The following DDX24 variants were observed in gnomAD, a reference collection of about 807,000 sequenced individuals.
DDX24 encodes the protein DEAD-box helicase 24, also known as ATP-dependent RNA helicase DDX24.
Under a neutral mutation model 68.9 loss-of-function variants are expected in DDX24, and 24 were observed. The ratio of observed to expected loss-of-function variants is 0.35; its 90% CI spans 0.25 to 0.49. The LOEUF is 0.49. Among genes scored for constraint, DDX24 ranks in the 20% least tolerant of loss-of-function variants. The pLI is 0.99. For missense variants in DDX24, 989 were observed against 1,039.0 expected (o/e 0.95, Z 0.66); for synonymous variants, 395 against 385.2 (o/e 1.03, Z -0.30).
chr14:94,048,366 G>C lies in DDX24; in HGVS notation c.*2825C>G, dbSNP rs1885320452. 1 of 152,242 alleles carries C rather than the reference G, an allele frequency of 6.6e-6. No individual in the cohort carries two copies. The highest frequency in any genetic ancestry group is 1.5e-5 in the Non-Finnish European group (1 of 68,052). The allele number at this position is 152,242 out of a possible 1,614,324, so 9.4% of individuals were successfully genotyped here. A position where few individuals can be genotyped will look rare whatever the true frequency, so the allele number is the denominator to read the frequency against. ...AAATCAATGGGAACAATTAGCAACA[G>C]AAAGAGCACAGTCCCTGCTTTTGAC... On this transcript the variant is annotated 3_prime_UTR_variant, in exon 9 of 9. Coordinates refer to ENST00000621632, the MANE Select transcript of DDX24 (RefSeq NM_020414.4).
chr14:94,054,403 G>C (rs1417222575), intron 7 of DDX24, among the ~76,000 whole-genome samples: 2 of 152,082 alleles, frequency 1.3e-5, no homozygotes, highest in Non-Finnish European at 2.9e-5. Context: ...CCACATCTTT[G>C]CCAGCAGGAA....
At chr14:94,080,563 G>A (rs549074129) in intron 1 of DDX24, among the ~76,000 whole-genome samples, 1 of 152,218 alleles carries the variant, frequency 6.6e-6, no homozygotes, top group Admixed American at 6.5e-5. Flanking sequence ...GGAAAAACGA[G>A]GACATCTGTC....
In DDX24 at chr14:94,053,129, TG is replaced by T; in HGVS notation, c.2179-3del. ...CTGTCGAGCTAAACGGATTCGCTCC[TG>T]GGGGGAAGTAACAGAAAATATTCAT... On this transcript the variant is annotated splice_polypyrimidine_tract_variant and splice_region_variant and intron_variant, in intron 7 of 8. Coordinates refer to ENST00000621632, the MANE Select transcript of DDX24 (RefSeq NM_020414.4). 1 of 1,614,042 alleles carries T rather than the reference TG, an allele frequency of 6.2e-7. No individual in the cohort carries two copies. Among genetic ancestry groups the T allele is most frequent in the Non-Finnish European group, 8.5e-7 (1 of 1,180,000 alleles).
chr14:94,053,020 C>T lies in DDX24; in HGVS notation c.2286G>A (p.Glu762=). Residue 762 remains glutamate, a synonymous_variant, in exon 8 of 9, where the codon GAG becomes GAA. Transcript: ENST00000621632. Reference sequence around the variant, plus strand: ...TACCCTTATACATGTCTTCTTCCAGCTCAATCTCCAGGGCAGCTGCTGCCT... The same window carrying T: ...TACCCTTATACATGTCTTCTTCCAGTTCAATCTCCAGGGCAGCTGCTGCCT... The part of the protein sequence containing the change: ...IEQAAAALEI[E]LEEDMYKGGK... 1.2e-6 allele frequency: 2 copies of T among 1,614,000 alleles called. No individual in the cohort carries two copies. Among genetic ancestry groups the T allele is most frequent in the Non-Finnish European group, 1.7e-6 (2 of 1,179,920 alleles).
intron 5 of DDX24, among the ~76,000 whole-genome samples, chr14:94,059,749 C>G (rs1459850709): frequency 6.6e-6 from 1 of 152,132 alleles, no homozygotes; most frequent in Non-Finnish European, 1.5e-5. Context: ...GTGCTCTTAA[C>G]CATGAATCTA....
chr14:94,055,214 C>T (rs1288648873), intron 6 of DDX24, 30 bp from the exon 7 acceptor site: 4 of 1,601,008 alleles, frequency 2.5e-6, no homozygotes, highest in Non-Finnish European at 3.4e-6. Context: ...GAGATCAATA[C>T]ATGGCCACTG....
At chr14:94,068,361 A>C (rs1421761496) in intron 2 of DDX24, among the ~76,000 whole-genome samples, 2 of 152,246 alleles carry the variant, frequency 1.3e-5, no homozygotes, top group Admixed American at 6.5e-5. Context: ...CCAATTTACG[A>C]AACAATTACT....
Position 94,052,990 on chromosome 14 carries a change from G to A in DDX24, c.2308+8C>T, listed in dbSNP as rs1435030761. The A allele has an allele frequency of 1.9e-6, 3 of 1,601,294 alleles. No individual in the cohort carries two copies. The highest frequency in any genetic ancestry group is 2.6e-6 in the Non-Finnish European group (3 of 1,172,548). ...CTTCCTCAATTCCCATCCCGCCCAA[G>A]GGCTTACCCTTATACATGTCTTCTT... On this transcript the variant is annotated splice_region_variant and intron_variant, in intron 8 of 8. Coordinates refer to ENST00000621632, the MANE Select transcript of DDX24 (RefSeq NM_020414.4).
chr14:94,057,704 G>T, intron 6 of DDX24, 118 bp downstream of exon 6: 1 of 905,718 alleles, frequency 1.1e-6, no homozygotes, highest in South Asian at 1.7e-5. Flanking sequence ...CGATGCCAGT[G>T]GTATTCTCTG....
intron 5 of DDX24, among the ~76,000 whole-genome samples, chr14:94,058,257 C>T (rs985193993): frequency 8.5e-5 from 13 of 152,184 alleles, no homozygotes; most frequent in African/African-American, 3.1e-4. Flanking sequence ...ACACAGACTT[C>T]CTTGCTCTTC....
intron 4 of DDX24, 121 bp downstream of exon 4, chr14:94,060,792 G>A (rs1885581042): frequency 6.7e-7 from 1 of 1,489,230 alleles, no homozygotes; most frequent in Non-Finnish European, 9.0e-7. Flanking sequence ...TAAAGGCCAG[G>A]GTCTGGATGA....
intron 2 of DDX24, among the ~76,000 whole-genome samples, chr14:94,077,956 T>G (rs1885978593): frequency 6.6e-6 from 1 of 152,146 alleles, no homozygotes; most frequent in Admixed American, 6.5e-5. Flanking sequence ...ATTACTTATG[T>G]GTTTCACATT....
At chr14:94,078,688 G>A (rs1885995309) in intron 2 of DDX24, among the ~76,000 whole-genome samples, 1 of 152,180 alleles carries the variant, frequency 6.6e-6, no homozygotes, top group African/African-American at 2.4e-5. Context: ...CTCAAGAACA[G>A]CAGAAACTAC....
chr14:94,075,619 C>T (rs530396221), intron 2 of DDX24, among the ~76,000 whole-genome samples: 13 of 152,300 alleles, frequency 8.5e-5, no homozygotes, highest in East Asian at 3.9e-4. Context: ...AAAACACCAA[C>T]GGCACCAAAA....
chr14:94,062,005 C>T (rs1181130910), intron 3 of DDX24, 92 bp downstream of exon 3: 1 of 1,376,102 alleles, frequency 7.3e-7, no homozygotes, highest in South Asian at 1.5e-5. Flanking sequence ...AGTGGCTTAC[C>T]CTAGAGGGCA....
chr14:94,076,244 C>CA (rs1885936547), intron 2 of DDX24, among the ~76,000 whole-genome samples: 1 of 152,220 alleles, frequency 6.6e-6, no homozygotes, highest in East Asian at 1.9e-4. Context: ...TCTACCCACA[C>CA]ATTGGAATAC....
intron 2 of DDX24, among the ~76,000 whole-genome samples, chr14:94,068,888 C>A (rs750794740): frequency 1.4e-4 from 22 of 152,086 alleles, no homozygotes; most frequent in Non-Finnish European, 2.5e-4. Flanking sequence ...GTTCATAGCC[C>A]TAAATGGCTA....
Position 94,050,324 on chromosome 14 carries a change from G to A in DDX24, c.*867C>T, listed in dbSNP as rs542661444. The A allele has an allele frequency of 6.6e-6, 1 of 152,376 alleles. No homozygotes were observed. The highest frequency in any genetic ancestry group is 2.1e-4 in the South Asian group (1 of 4,826). The allele number at this position is 152,376 out of a possible 1,614,324, so 9.4% of individuals were successfully genotyped here. On this transcript the variant is annotated 3_prime_UTR_variant, in exon 9 of 9. Coordinates refer to ENST00000621632, the MANE Select transcript of DDX24 (RefSeq NM_020414.4). ...GAAGAGGGTAAGCACGGGACACTAA[G>A]GGAGCCCCAGGAGAAGCACTGCTTC... is the stretch of plus-strand genomic sequence containing the variant.
At position 94,051,370 on chromosome 14, in the gene DDX24, A is replaced by C; in HGVS notation, c.2401T>G (p.Phe801Val). 1 of 1,613,076 alleles carries C rather than the reference A, an allele frequency of 6.2e-7. No homozygotes were observed. Among genetic ancestry groups the C allele is most frequent in the Non-Finnish European group, 8.5e-7 (1 of 1,179,708 alleles). The change falls in exon 9 of 9, where the codon TTT becomes GTT. Residue 801 changes from phenylalanine (F) to valine (V), a missense_variant. Phe to Val is a conservative substitution (Grantham distance 50). Coordinates refer to ENST00000621632, the MANE Select transcript of DDX24 (RefSeq NM_020414.4). Reference protein sequence around the residue: ...ELRHLLSQPLFTESQKTKYPT... With the variant: ...ELRHLLSQPLVTESQKTKYPT... ...TACTTGGTTTTCTGGCTCTCCGTAA[A>C]CAGTGGCTGGGACAGCAGGTGGCGC... is the stretch of plus-strand genomic sequence containing the variant.
Sources: allele counts gnomAD v4.1 joint callset (sites outside exome capture counted in the v4.1 genomes callset), GRCh38; gene constraint gnomAD v4.1.1; transcripts MANE v1.5; gene names NCBI Gene and HGNC (gene_info 2026-07-23, HGNC 2026-07-21).